ZC3H3: variants seen among roughly 807,000 people sequenced by gnomAD.
ZC3H3 encodes the protein zinc finger CCCH domain-containing protein 3.
A neutral mutation model predicts 77.3 loss-of-function variants in ZC3H3; 36 were observed. The observed-to-expected ratio is 0.47, with a 90% CI of 0.36 to 0.61. ZC3H3 has a LOEUF of 0.61. ZC3H3 is among the 20% of genes least tolerant of loss of function. ZC3H3 has a pLI of 0.00. For synonymous variants in ZC3H3, 626 were observed against 555.2 expected, an observed-to-expected ratio of 1.13 and a Z score of -1.79; for missense variants, 1,331 against 1,312.2, an observed-to-expected ratio of 1.01 and a Z score of -0.22.
chr8:143,507,490 A>C (rs1821738326), intron 4 of ZC3H3, among the ~76,000 whole-genome samples: 1 of 152,272 alleles, frequency 6.6e-6, no homozygotes, highest in Non-Finnish European at 1.5e-5. Context: ...TGCTGAGAAC[A>C]GCAGAGCATG....
intron 5 of ZC3H3, among the ~76,000 whole-genome samples, chr8:143,474,495 C>T (rs1382396391): frequency 2.6e-5 from 4 of 152,236 alleles, no homozygotes; most frequent in African/African-American, 7.2e-5. Context: ...GCCCAGAAGC[C>T]CCTGGAGCCC....
chr8:143,491,469 A>T (rs1821199917), intron 4 of ZC3H3, among the ~76,000 whole-genome samples: 1 of 152,206 alleles, frequency 6.6e-6, no homozygotes, highest in Non-Finnish European at 1.5e-5. Context: ...GGCCTGGGCG[A>T]GGCTCACACC....
chr8:143,510,799 TCC>T (rs1003053144), intron 3 of ZC3H3, among the ~76,000 whole-genome samples: 1 of 152,072 alleles, frequency 6.6e-6, no homozygotes, highest in Non-Finnish European at 1.5e-5. Context: ...TTGGTTTAAT[TCC>T]CCTCATTACA....
intron 3 of ZC3H3, among the ~76,000 whole-genome samples, chr8:143,512,172 T>C (rs1821889013): frequency 6.6e-6 from 1 of 152,174 alleles, no homozygotes; most frequent in African/African-American, 2.4e-5. Flanking sequence ...CTAGTCCAGG[T>C]GCAGCCCCCG....
rs776460125 is a variant in ZC3H3 at position 143,462,701 on chromosome 8, C to T, written c.2307+3016G>A. Among the ~76,000 whole-genome samples, 3 of 152,226 alleles carry T rather than the reference C, an allele frequency of 2.0e-5. No homozygotes were observed. The highest frequency in any genetic ancestry group is 1.9e-4 in the East Asian group (1 of 5,196). On this transcript the variant is annotated intron_variant, in intron 9 of 11. Coordinates refer to ENST00000262577, the MANE Select transcript of ZC3H3 (RefSeq NM_015117.3). The surrounding 1 kb of genome is among the most constrained non-coding windows in gnomAD (Gnocchi z 4.7). The stretch of plus-strand genomic sequence containing the variant: ...ACACAGGGTGTGGGGAAAACGGCAG[C>T]GCGGAGGCTCACGGAGCAGGCACTG...
rs150058245 is a variant in ZC3H3 at position 143,532,172 on chromosome 8, G to A, written c.1561+4085C>T. ...TTCGATACTGGCCCAGCATTAGCAG[G>A]TTATTGCTGCAAATTACTTGGTATC... On this transcript the variant is annotated intron_variant, in intron 3 of 11. Transcript: ENST00000262577. 3.3e-5 allele frequency among the ~76,000 whole-genome samples: 5 copies of A among 152,380 alleles called. No homozygotes were observed. In the East Asian group the frequency reaches 9.6e-4, roughly 29 times the overall value.
At chr8:143,505,982 C>T (rs1430465653) in intron 4 of ZC3H3, among the ~76,000 whole-genome samples, 6 of 152,238 alleles carry the variant, frequency 3.9e-5, no homozygotes, top group Non-Finnish European at 8.8e-5. Context: ...TTGGAGGGAG[C>T]CTATCAGCTG....
At chr8:143,442,167 C>T (rs906476740) in intron 9 of ZC3H3, among the ~76,000 whole-genome samples, 1 of 152,108 alleles carries the variant, frequency 6.6e-6, no homozygotes, top group African/African-American at 2.4e-5. Flanking sequence ...GGGCCCTACA[C>T]TGTACCCCAT....
At chr8:143,485,441 G>C (rs1169092362) in intron 4 of ZC3H3, among the ~76,000 whole-genome samples, 1 of 152,198 alleles carries the variant, frequency 6.6e-6, no homozygotes, top group African/African-American at 2.4e-5. Context: ...GAGTGACGCA[G>C]GCGCCCCTGC....
rs777230002 is a variant in ZC3H3 at position 143,538,738 on chromosome 8, T to A, written c.629A>T (p.Asp210Val). The A allele has an allele frequency of 3.7e-6, 6 of 1,609,920 alleles. No individual in the cohort carries two copies. The highest frequency in any genetic ancestry group is 5.1e-6 in the Non-Finnish European group (6 of 1,179,778). Reference protein sequence around the residue: ...RMVKSVGSVGDSPREPRRTVS... With the variant: ...RMVKSVGSVGVSPREPRRTVS... ...TGTCCGGCGGGGCTCCCGGGGGCTG[T>A]CGCCCACACTGCCCACTGACTTCAC... Residue 210 changes from aspartate to valine, a missense_variant, in exon 2 of 12, where the codon GAC becomes GTC. By Grantham distance (152) the Asp-to-Val change is radical. Around this residue, in one of 3 missense-constraint regions of ZC3H3, gnomAD observed 978 missense variants for 915.5 expected, o/e 1.07. Coordinates refer to ENST00000262577, the MANE Select transcript of ZC3H3 (RefSeq NM_015117.3).
intron 9 of ZC3H3, among the ~76,000 whole-genome samples, chr8:143,454,402 A>ATTT (rs1159428177): frequency 8.0e-6 from 1 of 125,118 alleles, no homozygotes; most frequent in South Asian, 2.5e-4. Context: ...ACAATTCATA[A>ATTT]TTTTTTTTTT....
intron 9 of ZC3H3, among the ~76,000 whole-genome samples, chr8:143,449,091 C>A (rs1819928040): frequency 6.6e-6 from 1 of 152,222 alleles, no homozygotes; most frequent in Non-Finnish European, 1.5e-5. Context: ...GGCTCTGGGC[C>A]AGGTCCAGGA....
intron 3 of ZC3H3, among the ~76,000 whole-genome samples, chr8:143,522,765 A>G (rs1174419327): frequency 6.6e-6 from 1 of 152,128 alleles, no homozygotes. Flanking sequence ...CAAAAAAAAG[A>G]AATACAAAAA....
intron 4 of ZC3H3, among the ~76,000 whole-genome samples, chr8:143,504,383 C>G (rs574205960): frequency 1.7e-3 from 258 of 152,322 alleles, no homozygotes; most frequent in Middle Eastern, 0.01. Flanking sequence ...AAGGTGAGGG[C>G]TGTTGTCAGC....
Position 143,538,996 on chromosome 8 carries a change from AC to A in ZC3H3, c.370del (p.Val124SerfsTer79). ...QVQLSQGQNV[V>X]IKVKPPSKSG... ...CTTTGATGGCGGTTTAACTTTGATG[AC>A]CACGTTCTGACCCTGACTGAGCTGG... On this transcript the variant is annotated frameshift_variant, in exon 2 of 12. Transcript: ENST00000262577. LOFTEE classifies it high-confidence loss of function. 6.2e-7 allele frequency: 1 copy of A among 1,612,966 alleles called. No individual in the cohort carries two copies. The highest frequency in any genetic ancestry group is 8.5e-7 in the Non-Finnish European group (1 of 1,180,008).
intron 3 of ZC3H3, among the ~76,000 whole-genome samples, chr8:143,534,443 C>T (rs902459714): frequency 6.6e-6 from 1 of 151,882 alleles, no homozygotes; most frequent in Non-Finnish European, 1.5e-5. Flanking sequence ...CGAGCAAGGC[C>T]CCACCAGCAG....
chr8:143,523,295 A>T, intron 3 of ZC3H3: 1 of 984,394 alleles, frequency 1.0e-6, no homozygotes. Flanking sequence ...GCAAAGACAG[A>T]CGCACGATGA....
intron 4 of ZC3H3, among the ~76,000 whole-genome samples, chr8:143,490,196 C>T (rs181207382): frequency 1.6e-4 from 24 of 152,346 alleles, no homozygotes; most frequent in Non-Finnish European, 2.8e-4. Context: ...CAGTGCTCAG[C>T]AGCTGGGAGG....
At chr8:143,474,513 G>T (rs1820670858) in intron 5 of ZC3H3, among the ~76,000 whole-genome samples, 1 of 152,246 alleles carries the variant, frequency 6.6e-6, no homozygotes, top group Non-Finnish European at 1.5e-5. Context: ...CCCAGAGATG[G>T]ATGCTAGGAA....
Sources: allele counts gnomAD v4.1 joint callset (sites outside exome capture counted in the v4.1 genomes callset), GRCh38; gene constraint gnomAD v4.1.1; regional missense constraint gnomAD v4.1.1; non-coding constraint Gnocchi (gnomAD v3.1); transcripts MANE v1.5; gene names NCBI Gene and HGNC (gene_info 2026-07-23, HGNC 2026-07-21).